Variants in RIF1 observed in about 807,000 individuals in gnomAD.
RIF1 encodes replication timing regulatory factor 1, also known as telomere-associated protein RIF1.
Under a neutral mutation model 247.1 loss-of-function variants are expected in RIF1, and 45 were observed. The ratio of observed to expected loss-of-function variants is 0.18; its 90% CI spans 0.14 to 0.23. The LOEUF (loss-of-function observed/expected upper bound fraction) is 0.23. Ranked by LOEUF, RIF1 falls within the 10% of genes least tolerant of loss-of-function variation. The probability of loss-of-function intolerance (pLI) is 1.00; values close to 1 mark genes in which losing one functional copy is unlikely to be tolerated. For synonymous variants in RIF1, 1,087 were observed against 978.8 expected (o/e 1.11, Z -2.06); for missense variants, 2,967 against 2,862.5 (o/e 1.04, Z -0.83).
chr2:151,425,432 T>A (rs990307662), intron 8 of RIF1, among the ~76,000 whole-genome samples: 6 of 152,114 alleles, frequency 3.9e-5, no homozygotes, highest in Non-Finnish European at 8.8e-5. Context: ...GTACTTGACA[T>A]CATATTCATG....
At chr2:151,490,124 T>A in intron 9 of RIF1, 2 of 1,427,578 alleles carry the variant, frequency 1.4e-6, no homozygotes, top group Middle Eastern at 1.8e-4. Flanking sequence ...AATGGCTAGG[T>A]ATCCTTTAAT....
chr2:151,527,458 C>A, the RIF1 span: 1 of 1,549,898 alleles, frequency 6.5e-7, no homozygotes, highest in South Asian at 1.1e-5. Context: ...CAGTTACAAT[C>A]GTCTGTGTCT....
chr2:151,428,236 A>G (rs967853994), intron 8 of RIF1, among the ~76,000 whole-genome samples: 1 of 152,238 alleles, frequency 6.6e-6, no homozygotes, highest in African/African-American at 2.4e-5. Flanking sequence ...CTCAAAAAAA[A>G]GAAAAGTTAT....
the RIF1 span, among the ~76,000 whole-genome samples, chr2:151,529,748 C>T: frequency 6.6e-6 from 1 of 152,104 alleles, no homozygotes; most frequent in Non-Finnish European, 1.5e-5. Flanking sequence ...AGGCTGGTCT[C>T]GAACTCGTGA....
chr2:151,437,021 GAAT>G lies in RIF1; in HGVS notation c.1372+22_1372+24del. 6.3e-7 allele frequency: 1 copy of G among 1,594,538 alleles called. No homozygotes were observed. The highest frequency in any genetic ancestry group is 8.5e-7 in the Non-Finnish European group (1 of 1,170,400). On this transcript the variant is annotated intron_variant, in intron 12 of 35. Transcript: ENST00000444746. ...GAGCTTAGGTATTTAAAGGTTTTAA[GAAT>G]AATTTTAATTACTAAAACAGTCTAG...
At chr2:151,498,450 A>AAGTT (rs1486094280) in intron 10 of RIF1, 6 of 766,824 alleles carry the variant, frequency 7.8e-6, no homozygotes, top group African/African-American at 1.8e-5. Context: ...GGAAGAGAGT[A>AAGTT]AGTTAGAGGA....
At chr2:151,491,904 G>A in intron 9 of RIF1, 2 of 977,140 alleles carry the variant, frequency 2.0e-6, no homozygotes, top group South Asian at 1.7e-5. Flanking sequence ...TCTGGGTCAT[G>A]TCTTTTCCTC....
chr2:151,506,511 A>G (rs1047518400), intron 13 of RIF1: 1 of 450,452 alleles, frequency 2.2e-6, no homozygotes, highest in Non-Finnish European at 3.9e-6. Context: ...GGATGAGAAG[A>G]GCCAGGAAAT....
At chr2:151,497,273 T>C (rs2060843221) in intron 10 of RIF1, 3 of 919,090 alleles carry the variant, frequency 3.3e-6, no homozygotes, top group South Asian at 1.0e-4. Flanking sequence ...GTCAGAGTTA[T>C]CCATGTTATT....
At chr2:151,505,879 A>AGAT (rs2068469272) in intron 12 of RIF1, 6 of 544,516 alleles carry the variant, frequency 1.1e-5, no homozygotes, top group Non-Finnish European at 1.6e-5. Flanking sequence ...TAGGATAAAC[A>AGAT]GATTGACATA....
At chr2:151,491,965 T>C in intron 9 of RIF1, 1 of 1,074,066 alleles carries the variant, frequency 9.3e-7, no homozygotes. Flanking sequence ...TATGAGATAA[T>C]AGGAGCTTTC....
chr2:151,489,950 A>C, intron 9 of RIF1: 2 of 1,513,374 alleles, frequency 1.3e-6, no homozygotes, highest in South Asian at 2.2e-5. Context: ...AATTTATTTA[A>C]GTGAGTTGTT....
Position 151,468,064 on chromosome 2 carries a change from G to A in RIF1, c.6665G>A (p.Arg2222Gln), listed in dbSNP as rs756344076. 7.4e-6 allele frequency: 12 copies of A among 1,613,152 alleles called. No individual in the cohort carries two copies. The highest frequency in any genetic ancestry group is 2.2e-5 in the East Asian group (1 of 44,828). Residue 2222 changes from arginine to glutamine, a missense_variant, in exon 31 of 36, where the codon CGG becomes CAG. By Grantham distance (43) the Arg-to-Gln change is conservative (BLOSUM62 1). Around this residue, in one of 7 missense-constraint regions of RIF1, gnomAD observed 2,028 missense variants for 1,825.6 expected, o/e 1.11. Coordinates refer to ENST00000444746, the MANE Select transcript of RIF1 (RefSeq NM_018151.5). Reference protein sequence around the residue: ...QAGLADDIDRRCSIVRSHSSN... With the variant: ...QAGLADDIDRQCSIVRSHSSN... The stretch of plus-strand genomic sequence containing the variant: ...GGATTGGCAGATGACATTGATAGAC[G>A]GTGCTCTATTGTTAGGTCCCATTCT...
At position 151,481,770 on chromosome 2, in the gene RIF1, T is replaced by C. The variant is rs2049177538; in HGVS notation, c.*6699T>C. On this transcript the variant is annotated 3_prime_UTR_variant, in exon 36 of 36. Coordinates refer to ENST00000444746, the MANE Select transcript of RIF1 (RefSeq NM_018151.5). Reference sequence around the variant, plus strand: ...AAACCCCTGGGTGGCATTAGATTCTTACAGGAGCGTGAACCCTATTGTGAA... The same window carrying C: ...AAACCCCTGGGTGGCATTAGATTCTCACAGGAGCGTGAACCCTATTGTGAA... 6.6e-6 allele frequency: 1 copy of C among 152,256 alleles called. No homozygotes were observed. Among genetic ancestry groups the C allele is most frequent in the Admixed American group, 6.5e-5 (1 of 15,290 alleles). 9.4% of individuals were successfully genotyped at this position (152,256 alleles called of 1,614,324 possible).
chr2:151,458,859 T>C lies in RIF1; in HGVS notation c.2904T>C (p.Gly968=). ...AAAAATTTCTGCTCCTGTTGCCTGG[T>C]TTGGAAACTGTTGAAATGATGGAGG... is the stretch of plus-strand genomic sequence containing the variant. ...AKQKFLLLLP[G]LETVEMMEES... The change falls in exon 25 of 36, where the codon GGT becomes GGC. Residue 968 remains glycine, a synonymous_variant. Coordinates refer to ENST00000444746, the MANE Select transcript of RIF1 (RefSeq NM_018151.5). 4 of 1,613,316 alleles carry C rather than the reference T, an allele frequency of 2.5e-6. No homozygotes were observed. Among genetic ancestry groups the C allele is most frequent in the Non-Finnish European group, 3.4e-6 (4 of 1,179,570 alleles).
the RIF1 span, among the ~76,000 whole-genome samples, chr2:151,523,836 A>G: frequency 6.6e-6 from 1 of 152,302 alleles, no homozygotes; most frequent in African/African-American, 2.4e-5. Context: ...ATCTGAAGAC[A>G]TCTGCTCATC....
At chr2:151,518,854 G>A in the RIF1 span, 21 of 689,828 alleles carry the variant, frequency 3.0e-5, no homozygotes, top group African/African-American at 3.0e-4. Flanking sequence ...GAACAGTTTT[G>A]TAATAAATCT....
chr2:151,527,976 T>C, the RIF1 span, among the ~76,000 whole-genome samples: 1 of 152,246 alleles, frequency 6.6e-6, no homozygotes, highest in African/African-American at 2.4e-5. Context: ...TTCTAAGTTC[T>C]TTACAAATTA....
At chr2:151,503,377 ACTCTCT>A in intron 12 of RIF1, 1 of 1,612,194 alleles carries the variant, frequency 6.2e-7, no homozygotes, top group Admixed American at 1.7e-5. Flanking sequence ...ATTGCGTTTG[ACTCTCT>A]CAATCTCTGG....
Sources: gnomAD v4.1 joint callset for allele counts (sites outside exome capture counted in the v4.1 genomes callset) on GRCh38, gnomAD v4.1.1 for gene constraint, gnomAD v4.1.1 regional missense constraint, MANE v1.5 for transcripts, NCBI Gene and HGNC (gene_info 2026-07-23, HGNC 2026-07-21) for gene names.